The following FYB1 variants were observed in gnomAD, a reference collection of about 807,000 sequenced individuals.
FYB1 encodes the protein FYN-binding protein 1.
A neutral mutation model predicts 94.1 loss-of-function variants in FYB1; 41 were observed. That is an observed-to-expected ratio of 0.44 (90% CI 0.34 to 0.57). The LOEUF is 0.57. FYB1 is among the 20% of genes least tolerant of loss of function. FYB1 has a pLI of 0.02. For synonymous variants in FYB1, 367 were observed against 353.2 expected, an observed-to-expected ratio of 1.04 and a Z score of -0.44; for missense variants, 1,050 against 976.8, an observed-to-expected ratio of 1.07 and a Z score of -1.00.
chr5:39,225,847 G>A (rs1450825931), intron 1 of FYB1, among the ~76,000 whole-genome samples: 1 of 152,120 alleles, frequency 6.6e-6, no homozygotes, highest in African/African-American at 2.4e-5. Context: ...AAGCATACAG[G>A]GATCTTTCAA....
chr5:39,141,709 C>G (rs1375343036), intron 3 of FYB1, among the ~76,000 whole-genome samples: 1 of 151,906 alleles, frequency 6.6e-6, no homozygotes, highest in African/African-American at 2.4e-5. Context: ...TTTGCACCGA[C>G]CTAATACAAA....
chr5:39,137,540 T>G, intron 7 of FYB1, 60 bp downstream of exon 7: 2 of 1,500,042 alleles, frequency 1.3e-6, no homozygotes, highest in East Asian at 2.5e-5. Flanking sequence ...ATGGTACCCC[T>G]TTTGTGTGAA....
intron 2 of FYB1, among the ~76,000 whole-genome samples, chr5:39,201,295 C>G (rs166330): frequency 0.89 from 135,944 of 152,134 alleles, 61,798 homozygotes; most frequent in Non-Finnish European, 0.98. Context: ...ACTGTCCTGG[C>G]CATTGTAGGA....
At chr5:39,123,618 G>A (rs558353419) in intron 13 of FYB1, among the ~76,000 whole-genome samples, 236 of 152,192 alleles carry the variant, frequency 1.6e-3, no homozygotes, top group Non-Finnish European at 2.6e-3. Flanking sequence ...AGGGTCTATA[G>A]AAGAATAGAT....
At chr5:39,138,063 G>A (rs1741821914) in intron 6 of FYB1, 1 of 280,782 alleles carries the variant, frequency 3.6e-6, no homozygotes, top group Non-Finnish European at 6.8e-6. Context: ...TGCATTCACA[G>A]GTACACATAT....
rs1159703408 is a variant in FYB1, at chr5:39,106,410, A to G, written c.*1033T>C. 6.6e-6 allele frequency: 1 copy of G among 152,100 alleles called. No homozygotes were observed. The highest frequency in any genetic ancestry group is 2.4e-5 in the African/African-American group (1 of 41,418). The allele number at this position is 152,100 out of a possible 1,614,324, so 9.4% of individuals were successfully genotyped here. The stretch of plus-strand genomic sequence containing the variant: ...TTAACATTTGAAACCCAAATGGTTC[A>G]CATTTTGTTTTTGGATTGCTTTGGG... On this transcript the variant is annotated 3_prime_UTR_variant, in exon 19 of 19. Coordinates refer to ENST00000512982, the MANE Select transcript of FYB1 (RefSeq NM_001465.6).
chr5:39,258,574 T>C (rs1450173442), intron 1 of FYB1, among the ~76,000 whole-genome samples: 3 of 152,106 alleles, frequency 2.0e-5, no homozygotes, highest in Non-Finnish European at 4.4e-5. Flanking sequence ...CATTCCAGCC[T>C]GGGTGACAGA....
At position 39,240,611 on chromosome 5, in the gene FYB1, C is replaced by T. The variant is rs58209583; in HGVS notation, c.-28+33792G>A. The stretch of plus-strand genomic sequence containing the variant: ...AGCATCAGAGAAATGAAATCAAGAC[C>T]GCAATGAGATACCATCTCACACCAG... On this transcript the variant is annotated intron_variant, in intron 1 of 1. Coordinates refer to the FYB1 transcript ENST00000510188. Among the ~76,000 whole-genome samples the T allele has an allele frequency of 7.0e-3, 1,072 of 152,094 alleles. 20 individuals are homozygous for T. The highest frequency in any genetic ancestry group is 0.025 in the African/African-American group (1,028 of 41,482).
At chr5:39,147,444 A>C (rs1315875575) in intron 3 of FYB1, among the ~76,000 whole-genome samples, 1 of 129,594 alleles carries the variant, frequency 7.7e-6, no homozygotes, top group East Asian at 2.2e-4. Flanking sequence ...AAACTTTTGT[A>C]CATATGCCTG....
At chr5:39,166,556 T>C (rs1744757810) in intron 2 of FYB1, among the ~76,000 whole-genome samples, 1 of 152,058 alleles carries the variant, frequency 6.6e-6, no homozygotes, top group Non-Finnish European at 1.5e-5. Context: ...TGTCCATCAA[T>C]GGATGAAACT....
intron 3 of FYB1, among the ~76,000 whole-genome samples, chr5:39,148,408 TTTTTTTTTTTA>T: frequency 8.6e-6 from 1 of 116,584 alleles, no homozygotes; most frequent in Non-Finnish European, 1.7e-5. Flanking sequence ...TTTTTTTTTT[TTTTTTTTTTTA>T]AAGAAGGAGG....
chr5:39,168,825 C>T (rs1744984318), intron 2 of FYB1, among the ~76,000 whole-genome samples: 1 of 151,348 alleles, frequency 6.6e-6, no homozygotes, highest in Non-Finnish European at 1.5e-5. Context: ...TTTTTTTAAT[C>T]AAAATAGGAA....
At chr5:39,270,697 C>G in intron 1 of FYB1, 1 of 790,172 alleles carries the variant, frequency 1.3e-6, no homozygotes, top group Non-Finnish European at 1.9e-6. Context: ...GTCTGTCCAG[C>G]TTTCACACAT....
intron 7 of FYB1, among the ~76,000 whole-genome samples, chr5:39,135,265 G>A (rs189869360): frequency 2.7e-3 from 409 of 152,274 alleles, no homozygotes; most frequent in African/African-American, 7.6e-3. Flanking sequence ...GCAGGGATCT[G>A]TTGACTAGGA....
At chr5:39,157,605 G>A (rs1461993878) in intron 2 of FYB1, among the ~76,000 whole-genome samples, 1 of 152,152 alleles carries the variant, frequency 6.6e-6, no homozygotes, top group Non-Finnish European at 1.5e-5. Flanking sequence ...TACAAAATAA[G>A]GGGAAAGAGC....
At chr5:39,201,192 T>C (rs1748284837) in intron 2 of FYB1, among the ~76,000 whole-genome samples, 1 of 152,176 alleles carries the variant, frequency 6.6e-6, no homozygotes, top group African/African-American at 2.4e-5. Flanking sequence ...TTAGGAAACA[T>C]GATGAATTGT....
intron 2 of FYB1, among the ~76,000 whole-genome samples, chr5:39,199,140 C>G (rs983105760): frequency 6.6e-6 from 1 of 151,462 alleles, no homozygotes; most frequent in Non-Finnish European, 1.5e-5. Context: ...TATTTATTTT[C>G]TACTTACATA....
intron 2 of FYB1, among the ~76,000 whole-genome samples, chr5:39,157,445 T>C (rs944644640): frequency 1.1e-4 from 16 of 152,138 alleles, no homozygotes; most frequent in African/African-American, 3.9e-4. Flanking sequence ...TAGAATTTGA[T>C]TTTGGAAACC....
chr5:39,202,444 A>T lies in FYB1; in HGVS notation c.517T>A (p.Leu173Met). ...ENEQKQAFPK[L>M]TGVKGKFMSA... is the part of the protein sequence containing the mutation. ...ATAAATTTCCCTTTAACCCCAGTCA[A>T]TTTGGGAAACGCTTGCTTCTGTTCA... Residue 173 changes from leucine (L) to methionine (M), a missense_variant, in exon 2 of 19, where the codon TTG (leucine) becomes ATG (methionine). By Grantham distance (15) the Leu-to-Met change is conservative. Coordinates refer to ENST00000512982, the MANE Select transcript of FYB1 (RefSeq NM_001465.6). 2 of 1,613,650 alleles carry T rather than the reference A, an allele frequency of 1.2e-6. No individual in the cohort carries two copies. Among genetic ancestry groups the T allele is most frequent in the South Asian group, 2.2e-5 (2 of 91,072 alleles).
Sources: gnomAD v4.1 joint callset for allele counts (sites outside exome capture counted in the v4.1 genomes callset) on GRCh38, gnomAD v4.1.1 for gene constraint, MANE v1.5 for transcripts, NCBI Gene and HGNC (gene_info 2026-07-23, HGNC 2026-07-21) for gene names.